The following PIR variants were observed in gnomAD, a reference collection of about 807,000 sequenced individuals.
PIR encodes pirin (iron-binding nuclear protein).
Under a neutral mutation model 24.2 loss-of-function variants are expected in PIR, and 22 were observed. That is an observed-to-expected ratio of 0.91 (90% CI 0.65 to 1.30). PIR has a LOEUF of 1.30. PIR is among the 50% of genes most tolerant of loss of function. The pLI is 0.00. For synonymous variants in PIR, 80 were observed against 79.6 expected (o/e 1.00, Z -0.03); for missense variants, 220 against 220.3 (o/e 1.00, Z 0.01).
intron 5 of PIR, among the ~76,000 whole-genome samples, chrX:15,450,066 C>T (rs1240962662): frequency 8.9e-6 from 1 of 111,924 alleles, no homozygotes; most frequent in Non-Finnish European, 1.9e-5. Flanking sequence ...AATATGTAAG[C>T]ATTTCTATCT....
intron 7 of PIR, among the ~76,000 whole-genome samples, chrX:15,399,026 G>A (rs1287267750): frequency 9.0e-6 from 1 of 111,645 alleles, no homozygotes; most frequent in Non-Finnish European, 1.9e-5. Context: ...GCTACAGACT[G>A]GAGAGGCCAA....
chrX:15,404,002 T>C, intron 7 of PIR, among the ~76,000 whole-genome samples: 1 of 108,213 alleles, frequency 9.2e-6, no homozygotes, highest in East Asian at 2.9e-4. Context: ...TCTTTTTTTT[T>C]TTTTTTTCTT....
At chrX:15,460,506 A>C in intron 3 of PIR, among the ~76,000 whole-genome samples, 1 of 111,793 alleles carries the variant, frequency 8.9e-6, no homozygotes, top group Non-Finnish European at 1.9e-5. Context: ...CAAATACTGC[A>C]TGATCTCACA....
At chrX:15,448,375 C>G (rs1926176937) in intron 5 of PIR, among the ~76,000 whole-genome samples, 1 of 112,323 alleles carries the variant, frequency 8.9e-6, no homozygotes, top group Non-Finnish European at 1.9e-5. Flanking sequence ...AAGTTTTGCA[C>G]TTGTCTGTGG....
At chrX:15,420,347 T>C (rs943737211) in intron 6 of PIR, among the ~76,000 whole-genome samples, 1 of 112,157 alleles carries the variant, frequency 8.9e-6, no homozygotes, top group African/African-American at 3.2e-5. Flanking sequence ...TAAGGTGATG[T>C]CTGAGAGCAG....
chrX:15,445,500 G>T (rs1054753022), intron 5 of PIR, among the ~76,000 whole-genome samples: 2 of 111,626 alleles, frequency 1.8e-5, no homozygotes, highest in Non-Finnish European at 3.8e-5. Flanking sequence ...AAACCTGCAC[G>T]TTGTGCACAT....
intron 3 of PIR, among the ~76,000 whole-genome samples, chrX:15,470,228 A>G (rs1197521907): frequency 1.8e-5 from 2 of 111,502 alleles, no homozygotes; most frequent in African/African-American, 6.5e-5. Context: ...TGGGGGAGAT[A>G]ACAATTTTTA....
chrX:15,459,091 T>G (rs1921195353), intron 4 of PIR, among the ~76,000 whole-genome samples: 1 of 112,223 alleles, frequency 8.9e-6, no homozygotes, highest in African/African-American at 3.2e-5. Context: ...CCCAAGTATT[T>G]TGGGGGATTT....
chrX:15,384,871 A>G lies in PIR; in HGVS notation c.*133T>C. ...TCCTACATTTATTGTTACAAAAACC[A>G]TGTTATCACGTTAGTGTGGAATTCT... On this transcript the variant is annotated 3_prime_UTR_variant, in exon 10 of 10. Coordinates refer to ENST00000380420, the MANE Select transcript of PIR (RefSeq NM_001018109.3). 1 of 366,475 alleles carries G rather than the reference A, an allele frequency of 2.7e-6. No individual in the cohort carries two copies. The highest frequency in any genetic ancestry group is 4.8e-6 in the Non-Finnish European group (1 of 207,568). The allele number at this position is 366,475 out of a possible 1,213,427, so 30.2% of individuals were successfully genotyped here. A position where few individuals can be genotyped will look rare whatever the true frequency, so the allele number is the denominator to read the frequency against.
At chrX:15,418,774 C>G (rs1182594928) in intron 6 of PIR, among the ~76,000 whole-genome samples, 1 of 112,137 alleles carries the variant, frequency 8.9e-6, no homozygotes, top group Non-Finnish European at 1.9e-5. Context: ...TTCAGTCTCC[C>G]TTAACTGGAT....
At chrX:15,446,157 G>A (rs1460075232) in intron 5 of PIR, among the ~76,000 whole-genome samples, 1 of 111,725 alleles carries the variant, frequency 9.0e-6, no homozygotes, top group Non-Finnish European at 1.9e-5. Context: ...AAACAAAAGA[G>A]AATAAATTTG....
intron 5 of PIR, among the ~76,000 whole-genome samples, chrX:15,440,953 G>C (rs935475136): frequency 1.8e-5 from 2 of 111,825 alleles, no homozygotes; most frequent in African/African-American, 6.5e-5. Context: ...TCTAGGGCTT[G>C]GAGATTTGCT....
At chrX:15,479,162 G>C (rs964582991) in intron 3 of PIR, among the ~76,000 whole-genome samples, 1 of 111,702 alleles carries the variant, frequency 9.0e-6, no homozygotes, top group South Asian at 3.7e-4. Flanking sequence ...GTATATGTAT[G>C]TCCTTAAAAT....
chrX:15,446,639 T>C (rs1926113561), intron 5 of PIR, among the ~76,000 whole-genome samples: 1 of 111,721 alleles, frequency 9.0e-6, no homozygotes. Context: ...AGGCCTGTTT[T>C]CTTGGACCTC....
intron 6 of PIR, among the ~76,000 whole-genome samples, chrX:15,412,327 T>A (rs73449353): frequency 0.075 from 8,398 of 111,932 alleles, 771 homozygotes; most frequent in African/African-American, 0.25. Context: ...GCCTCTCAGT[T>A]TGGGTTTATT....
intron 3 of PIR, among the ~76,000 whole-genome samples, chrX:15,467,932 G>T (rs1000033226): frequency 3.6e-5 from 4 of 111,667 alleles, no homozygotes; most frequent in African/African-American, 1.3e-4. Flanking sequence ...TAAATGTTTT[G>T]GGGAATCTCT....
At chrX:15,428,065 G>T (rs1224678264) in intron 5 of PIR, among the ~76,000 whole-genome samples, 1 of 111,326 alleles carries the variant, frequency 9.0e-6, no homozygotes, top group African/African-American at 3.3e-5. Context: ...GGTTTAAAAT[G>T]CTCTGGTAGA....
At chrX:15,455,236 A>G (rs1234490190) in intron 5 of PIR, among the ~76,000 whole-genome samples, 1 of 112,460 alleles carries the variant, frequency 8.9e-6, no homozygotes, top group Non-Finnish European at 1.9e-5. Context: ...CCTCCCACAA[A>G]TATGTCCATA....
intron 6 of PIR, among the ~76,000 whole-genome samples, chrX:15,425,013 A>G (rs1212374625): frequency 2.7e-5 from 3 of 109,463 alleles, no homozygotes; most frequent in Non-Finnish European, 3.8e-5. Context: ...GAAAAAAACA[A>G]TTATAAAAAT....
Sources: allele counts gnomAD v4.1 joint callset (sites outside exome capture counted in the v4.1 genomes callset), GRCh38; gene constraint gnomAD v4.1.1; transcripts MANE v1.5; gene names NCBI Gene and HGNC (gene_info 2026-07-23, HGNC 2026-07-21).